Variants in ANK3 observed in about 807,000 individuals in gnomAD.
ANK3 encodes the protein ankyrin 3.
ANK3 carries 57 observed loss-of-function variants against 370.9 expected under a neutral mutation model. That is an observed-to-expected ratio of 0.15 (90% confidence interval 0.12 to 0.19). ANK3 has a LOEUF of 0.19. Ranked by LOEUF, ANK3 falls within the 10% of genes least tolerant of loss-of-function variation. The pLI is 1.00. For synonymous variants in ANK3, 1,929 were observed against 1,946.3 expected (o/e 0.99, Z 0.23); for missense variants, 4,439 against 5,302.1 (o/e 0.84, Z 5.06).
At chr10:60,283,644 A>G (rs2132721141) in intron 1 of ANK3, among the ~76,000 whole-genome samples, 1 of 152,302 alleles carries the variant, frequency 6.6e-6, no homozygotes, top group East Asian at 1.9e-4. Context: ...AGAAATATGA[A>G]TCATGTATGT....
chr10:60,416,149 C>T (rs2063664507), intron 2 of ANK3, among the ~76,000 whole-genome samples: 1 of 152,088 alleles, frequency 6.6e-6, no homozygotes, highest in African/African-American at 2.4e-5. Flanking sequence ...GCCTCAGACA[C>T]CAATCTTATC....
chr10:60,492,412 A>G (rs979618640), intron 2 of ANK3, among the ~76,000 whole-genome samples: 6 of 152,162 alleles, frequency 3.9e-5, no homozygotes, highest in African/African-American at 1.4e-4. Flanking sequence ...ACACTGTCAG[A>G]AATGGCACCG....
In ANK3 at chr10:60,206,013, G is replaced by A; in HGVS notation, c.1195-123C>T. 7 of 681,800 alleles carry A rather than the reference G, an allele frequency of 1.0e-5. No individual in the cohort carries two copies. In the South Asian group the frequency reaches 1.1e-4, roughly 10 times the overall value. The allele number at this position is 681,800 out of a possible 1,614,324, so 42.2% of individuals were successfully genotyped here. A position where few individuals can be genotyped will look rare whatever the true frequency, so the allele number is the denominator to read the frequency against. On this transcript the variant is annotated intron_variant, in intron 10 of 43. Transcript: ENST00000280772. ...AATTGAAATGAACAGAAAGTACCAG[G>A]GTTAAGCAGCATGTAGATTCTATTC...
chr10:60,498,644 G>A (rs2075719694), intron 2 of ANK3, among the ~76,000 whole-genome samples: 1 of 152,138 alleles, frequency 6.6e-6, no homozygotes, highest in Admixed American at 6.5e-5. Context: ...TCCCATCTTG[G>A]CCTCCCAAAG....
intron 1 of ANK3, among the ~76,000 whole-genome samples, chr10:60,687,084 C>T (rs552031800): frequency 3.3e-5 from 5 of 152,192 alleles, no homozygotes; most frequent in South Asian, 2.1e-4. Flanking sequence ...ACAGCCTGGG[C>T]GTGTAGTAAA....
At chr10:60,200,338 A>G in intron 12 of ANK3, 111 bp from the exon 13 acceptor site, 2 of 791,938 alleles carry the variant, frequency 2.5e-6, no homozygotes, top group Admixed American at 2.0e-5. Context: ...AATAGTCCTA[A>G]GCACTTCCTT....
At chr10:60,309,399 C>T (rs2045869529) in intron 1 of ANK3, among the ~76,000 whole-genome samples, 1 of 152,200 alleles carries the variant, frequency 6.6e-6, no homozygotes, top group Non-Finnish European at 1.5e-5. Flanking sequence ...AGGGGCTCCA[C>T]TGAATGATAA....
rs34027235 is a variant in ANK3 at position 60,347,054 on chromosome 10, G to GATATAT, written c.114+42365_114+42370dup. On this transcript the variant is annotated intron_variant, in intron 1 of 43. Transcript: ENST00000280772. ...AGTACTGCATTAGCAAGAAATATAT[G>GATATAT]ATATATATATATATATATATTGCAT... 4.0e-3 allele frequency among the ~76,000 whole-genome samples: 568 copies of GATATAT among 142,506 alleles called. 5 individuals carry two copies. Among genetic ancestry groups the GATATAT allele is most frequent in the African/African-American group, 0.014 (550 of 38,418 alleles). The allele number at this position is 142,506 out of a possible 152,430, so 93.5% of individuals were successfully genotyped here. A position where few individuals can be genotyped will look rare whatever the true frequency, so the allele number is the denominator to read the frequency against.
Position 60,067,826 on chromosome 10 carries a change from T to C in ANK3, c.12319+109A>G, listed in dbSNP as rs2081945414. 3.7e-6 allele frequency: 3 copies of C among 807,964 alleles called. No individual in the cohort carries two copies. In the Admixed American group the frequency reaches 8.1e-5, roughly 22 times the overall value. The allele number at this position is 807,964 out of a possible 1,614,324, so 50.0% of individuals were successfully genotyped here. On this transcript the variant is annotated intron_variant, in intron 38 of 43. Transcript: ENST00000280772. ...AAAATTATTGGTGATAAAAATGTTT[T>C]TTACTAGCTGCTTGTTTCTATTTTT...
chr10:60,155,693 G>A lies in ANK3; in HGVS notation c.2614+10898C>T, dbSNP rs546519344. Among the ~76,000 whole-genome samples the A allele has an allele frequency of 5.5e-4, 84 of 152,292 alleles. No individual in the cohort carries two copies. The Middle Eastern group carries it at 0.031, about 55-fold the overall frequency. ...GAAAGGCAGACACACCCTCCATCTG[G>A]ATGGGCACATCTAATCAGCTGCCAG... On this transcript the variant is annotated intron_variant, in intron 23 of 43. Coordinates refer to ENST00000280772, the MANE Select transcript of ANK3 (RefSeq NM_020987.5).
rs138823660 is a variant in ANK3, at chr10:60,172,960, C to T, written c.2322G>A (p.Gly774=). The T allele has an allele frequency of 2.5e-6, 4 of 1,613,764 alleles. No individual in the cohort carries two copies. In the South Asian group the frequency reaches 3.3e-5, roughly 13 times the overall value. The part of the protein sequence containing the change: ...YTPLHQAAQQ[G]HTHIINVLLQ... ...GTAAGACATTTATTATATGCGTATG[C>T]CCCTGCTGTGCTGCTTGATGTAATG... Residue 774 remains glycine, a synonymous_variant, in exon 20 of 44, where the codon GGG becomes GGA. Coordinates refer to ENST00000280772, the MANE Select transcript of ANK3 (RefSeq NM_020987.5).
rs117471867 is a variant in ANK3, at chr10:60,336,431, G to A, written c.114+52994C>T. Among the ~76,000 whole-genome samples, 225 of 152,280 alleles carry A rather than the reference G, an allele frequency of 1.5e-3. No homozygotes were observed. The East Asian group carries it at 0.017, about 11-fold the overall frequency. ...AGAATGTAAACTGTAAGCCCTGGATGCTCTTCTCCCAGTGCATTTTTCCTG... is the reference window on the plus strand; with the variant it reads ...AGAATGTAAACTGTAAGCCCTGGATACTCTTCTCCCAGTGCATTTTTCCTG... On this transcript the variant is annotated intron_variant, in intron 1 of 43. Coordinates refer to ENST00000280772, the MANE Select transcript of ANK3 (RefSeq NM_020987.5).
At chr10:60,372,037 G>T (rs1176848301) in intron 1 of ANK3, among the ~76,000 whole-genome samples, 1 of 152,174 alleles carries the variant, frequency 6.6e-6, no homozygotes, top group African/African-American at 2.4e-5. Flanking sequence ...TAGAATATTA[G>T]AGGGAAAAAG....
At chr10:60,701,206 C>T (rs1247203159) in intron 1 of ANK3, among the ~76,000 whole-genome samples, 2 of 151,788 alleles carry the variant, frequency 1.3e-5, no homozygotes, top group East Asian at 3.9e-4. Context: ...GATTATTTTA[C>T]TCATTAAATT....
At chr10:60,719,876 G>C (rs565631505) in intron 1 of ANK3, among the ~76,000 whole-genome samples, 1 of 152,266 alleles carries the variant, frequency 6.6e-6, no homozygotes, top group African/African-American at 2.4e-5. Flanking sequence ...TTATGGCACT[G>C]TTTGCTTTAT....
intron 17 of ANK3, 42 bp from the exon 18 acceptor site, chr10:60,181,469 A>C: frequency 1.3e-6 from 2 of 1,547,056 alleles, no homozygotes; most frequent in East Asian, 2.2e-5. Flanking sequence ...ACAGGAAGGA[A>C]TGTCACACAC....
chr10:60,652,134 G>T (rs770739016), intron 1 of ANK3, among the ~76,000 whole-genome samples: 12 of 152,054 alleles, frequency 7.9e-5, no homozygotes, highest in Non-Finnish European at 1.6e-4. Context: ...AGTAATCCCA[G>T]TGTTTTGGGA....
At position 60,398,720 on chromosome 10, in the gene ANK3, C is replaced by T. The variant is rs116455464; in HGVS notation, c.97-119081G>A. On this transcript the variant is annotated intron_variant, in intron 2 of 43. Coordinates refer to the ANK3 transcript ENST00000373827. Reference sequence around the variant, plus strand: ...ATAATCCAAACATTATTTAAGACACCCAAACTCAACAAATGGTCAGCAAGC... The same window carrying T: ...ATAATCCAAACATTATTTAAGACACTCAAACTCAACAAATGGTCAGCAAGC... Among the ~76,000 whole-genome samples, 974 of 152,102 alleles carry T rather than the reference C, an allele frequency of 6.4e-3. 6 individuals are homozygous for T. Among genetic ancestry groups the T allele is most frequent in the African/African-American group, 0.019 (779 of 41,486 alleles).
In ANK3 at chr10:60,071,365, G is replaced by C. The variant is rs1319134780; in HGVS notation, c.9516C>G (p.Pro3172=). Residue 3172 remains proline (P), a synonymous_variant, in exon 37 of 44, where the codon CCC becomes CCG. Transcript: ENST00000280772. The part of the protein sequence containing the change: ...SGKSPLTPET[P]SSEEVSYEFT... The stretch of plus-strand genomic sequence containing the variant: ...ATTCATAACTCACTTCCTCTGAACT[G>C]GGTGTTTCTGGGGTTAAAGGGCTTT... 3.1e-6 allele frequency: 5 copies of C among 1,613,946 alleles called. No homozygotes were observed. The highest frequency in any genetic ancestry group is 4.2e-6 in the Non-Finnish European group (5 of 1,180,002).
Sources: allele counts gnomAD v4.1 joint callset (sites outside exome capture counted in the v4.1 genomes callset), GRCh38; gene constraint gnomAD v4.1.1; transcripts MANE v1.5; gene names NCBI Gene and HGNC (gene_info 2026-07-23, HGNC 2026-07-21).